Variants in ITGA10 observed in about 807,000 individuals in gnomAD.
ITGA10 encodes integrin alpha-10.
ITGA10 carries 105 observed loss-of-function variants against 145.2 expected under a neutral mutation model. The observed-to-expected ratio is 0.72, with a 90% CI of 0.62 to 0.85. The LOEUF is 0.85. Among genes scored for constraint, ITGA10 ranks in the 40% least tolerant of loss-of-function variants. The probability of loss-of-function intolerance (pLI) is 0.00; values close to 1 mark genes in which losing one functional copy is unlikely to be tolerated. For missense variants in ITGA10, 1,317 were observed against 1,444.5 expected, an observed-to-expected ratio of 0.91 and a Z score of 1.43; for synonymous variants, 506 against 557.8, an observed-to-expected ratio of 0.91 and a Z score of 1.31.
chr1:145,895,534 A>C, intron 26 of ITGA10, 97 bp downstream of exon 26: 1 of 1,399,058 alleles, frequency 7.1e-7, no homozygotes. Flanking sequence ...CTGGGGTGGA[A>C]AGATCCCTTC....
rs1553751512 is a variant in ITGA10, at chr1:145,907,121, G to A, written c.194C>T (p.Pro65Leu). Residue 65 changes from proline to leucine, a missense_variant, in exon 3 of 30, where the codon CCT becomes CTT. Pro to Leu is a moderately conservative substitution (Grantham distance 98, BLOSUM62 -3). Coordinates refer to ENST00000369304, the MANE Select transcript of ITGA10 (RefSeq NM_003637.5). ...AACGTCCCCCCTCCGGTCGCCTGAA[G>A]GCCCATCCCAGGGGGCGCCCACCAG... Reference protein sequence around the residue: ...WMLVGAPWDGPSGDRRGDVYR... With the variant: ...WMLVGAPWDGLSGDRRGDVYR... 6.4e-7 allele frequency: 1 copy of A among 1,563,004 alleles called. No homozygotes were observed. Among genetic ancestry groups the A allele is most frequent in the African/African-American group, 1.4e-5 (1 of 73,874 alleles).
At chr1:145,906,091 TTTGTA>T (rs1657097843) in intron 5 of ITGA10, 2 of 301,736 alleles carry the variant, frequency 6.6e-6, no homozygotes, top group African/African-American at 2.2e-5. Flanking sequence ...CCAGCTAATT[TTTGTA>T]TTTTTTTTTT....
In ITGA10 at chr1:145,901,328, T is replaced by C; in HGVS notation, c.1444-50A>G. 1 of 1,603,974 alleles carries C rather than the reference T, an allele frequency of 6.2e-7. No homozygotes were observed. The highest frequency in any genetic ancestry group is 8.5e-7 in the Non-Finnish European group (1 of 1,173,612). Reference sequence around the variant, plus strand: ...CCCCAGAGAAAAGGGAAGGTAACTGTAGACAAGTGGACTCAGTGGGAAGCA... The same window carrying C: ...CCCCAGAGAAAAGGGAAGGTAACTGCAGACAAGTGGACTCAGTGGGAAGCA... On this transcript the variant is annotated intron_variant, in intron 12 of 29. Transcript: ENST00000369304. The surrounding 1 kb of genome is among the most constrained non-coding windows in gnomAD (Gnocchi z 4.3).
In ITGA10 at chr1:145,899,318, G is replaced by A; in HGVS notation, c.1946C>T (p.Thr649Ile). The change falls in exon 16 of 30, where the codon ACC (threonine) becomes ATC (isoleucine). Residue 649 changes from threonine to isoleucine, a missense_variant. By Grantham distance (89) the Thr-to-Ile change is moderately conservative. Coordinates refer to ENST00000369304, the MANE Select transcript of ITGA10 (RefSeq NM_003637.5). Reference sequence around the variant, plus strand: ...CTGTGGGGTCACCTCCAGTGATGGGGTCAGATGGACAATGGGCCGGGAGCT... The same window carrying A: ...CTGTGGGGTCACCTCCAGTGATGGGATCAGATGGACAATGGGCCGGGAGCT... ...LLSSRPIVHL[T>I]PSLEVTPQAI... The A allele has an allele frequency of 6.2e-7, 1 of 1,614,158 alleles. No individual in the cohort carries two copies.
intron 7 of ITGA10, among the ~76,000 whole-genome samples, chr1:145,903,453 G>A (rs1656668795): frequency 6.6e-6 from 1 of 152,086 alleles, no homozygotes; most frequent in South Asian, 2.1e-4. Flanking sequence ...GGAGTGGAGG[G>A]ATAGAAAGAG....
At chr1:145,909,530 TAA>T (rs1241730357) in intron 1 of ITGA10, among the ~76,000 whole-genome samples, 1 of 134,070 alleles carries the variant, frequency 7.5e-6, no homozygotes. Flanking sequence ...ATATTATATA[TAA>T]TATATAATTA....
At chr1:145,902,162 A>G in intron 10 of ITGA10, 84 bp downstream of exon 10, 1 of 1,567,954 alleles carries the variant, frequency 6.4e-7, no homozygotes, top group Non-Finnish European at 8.8e-7. Context: ...GAGGCTGGTT[A>G]AAGGAGGAAT....
At position 145,899,098 on chromosome 1, in the gene ITGA10, G is replaced by A; in HGVS notation, c.2090-20C>T. 6.2e-7 allele frequency: 1 copy of A among 1,614,286 alleles called. No homozygotes were observed. The highest frequency in any genetic ancestry group is 1.6e-4 in the Middle Eastern group (1 of 6,062). On this transcript the variant is annotated intron_variant, in intron 16 of 29. Coordinates refer to ENST00000369304, the MANE Select transcript of ITGA10 (RefSeq NM_003637.5). The stretch of plus-strand genomic sequence containing the variant: ...TCATGTCTGAATGAAGGAGGCAAGA[G>A]TGAGGGTGGAAAGGGGTCTAGTGAG...
chr1:145,909,201 A>C (rs1405149146), intron 1 of ITGA10, among the ~76,000 whole-genome samples: 1 of 151,466 alleles, frequency 6.6e-6, no homozygotes, highest in Non-Finnish European at 1.5e-5. Flanking sequence ...TCGGGAGGCT[A>C]AGGTGGAAGG....
At chr1:145,904,372 TTCTCTC>T (rs781805741) in intron 6 of ITGA10, among the ~76,000 whole-genome samples, 172 bp from the exon 7 acceptor site, 2 of 151,774 alleles carry the variant, frequency 1.3e-5, no homozygotes, top group Non-Finnish European at 2.9e-5. Flanking sequence ...CATATTGCCT[TTCTCTC>T]TCTCTCTAAG....
intron 3 of ITGA10, 96 bp downstream of exon 3, chr1:145,906,945 G>A (rs909923454): frequency 1.7e-5 from 19 of 1,139,056 alleles, no homozygotes; most frequent in East Asian, 1.4e-4. Flanking sequence ...GGGAGTATGC[G>A]GATTTTAGGG....
intron 15 of ITGA10, 26 bp downstream of exon 15, chr1:145,900,030 AC>A (rs782451037): frequency 6.2e-7 from 1 of 1,604,750 alleles, no homozygotes; most frequent in Admixed American, 1.7e-5. Context: ...TATGCTGTCC[AC>A]CACCACCTGA....
rs782134491 is a variant in ITGA10, at chr1:145,897,600, G to A, written c.2486C>T (p.Thr829Ile). 1 of 1,614,158 alleles carries A rather than the reference G, an allele frequency of 6.2e-7. No homozygotes were observed. Among genetic ancestry groups the A allele is most frequent in the Middle Eastern group, 1.6e-4 (1 of 6,062 alleles). The change falls in exon 20 of 30, where the codon ACT becomes ATT. Residue 829 changes from threonine to isoleucine, a missense_variant. Transcript: ENST00000369304. Reference sequence around the variant, plus strand: ...AGCATTTTCCTTTCTGTTCTCCAGAGTTGTAGATACCAGCACTTTCCGCCG... The same window carrying A: ...AGCATTTTCCTTTCTGTTCTCCAGAATTGTAGATACCAGCACTTTCCGCCG... Reference protein sequence around the residue: ...GGRRKVLVSTTLENRKENAYN... With the variant: ...GGRRKVLVSTILENRKENAYN...
At chr1:145,907,856 G>A (rs913126071) in intron 1 of ITGA10, among the ~76,000 whole-genome samples, 2 of 126,510 alleles carry the variant, frequency 1.6e-5, no homozygotes, top group African/African-American at 3.1e-5. Context: ...TGCAGGCTCC[G>A]CCCCCCTGGG....
chr1:145,904,835 G>C (rs377447385), intron 5 of ITGA10, 24 bp from the exon 6 acceptor site: 2 of 1,609,730 alleles, frequency 1.2e-6, no homozygotes, highest in African/African-American at 2.7e-5. Flanking sequence ...GAACACTGAG[G>C]TAGAGGACAC....
chr1:145,895,554 C>T, intron 26 of ITGA10, 77 bp downstream of exon 26: 1 of 1,476,562 alleles, frequency 6.8e-7, no homozygotes, highest in Non-Finnish European at 9.4e-7. Context: ...CTTCCCCACT[C>T]CAGTTCCTAC....
intron 26 of ITGA10, 70 bp from the exon 27 acceptor site, chr1:145,895,463 T>C: frequency 7.0e-7 from 1 of 1,419,716 alleles, no homozygotes; most frequent in Non-Finnish European, 9.9e-7. Flanking sequence ...CCACCTCTAG[T>C]TCACACAGTC....
rs200584067 is a variant in ITGA10 at position 145,901,295 on chromosome 1, G to T, written c.1444-17C>A. ...TGAACCAATCTGGGGAATGGTGGGTGATGATGACCCCAGAGAAAAGGGAAG... is the reference window on the plus strand; with the variant it reads ...TGAACCAATCTGGGGAATGGTGGGTTATGATGACCCCAGAGAAAAGGGAAG... On this transcript the variant is annotated splice_polypyrimidine_tract_variant and intron_variant, in intron 12 of 29. Coordinates refer to ENST00000369304, the MANE Select transcript of ITGA10 (RefSeq NM_003637.5). This position sits in a 1 kb window ranked among gnomAD's most constrained non-coding sequence, Gnocchi z 4.3. 3.1e-6 allele frequency: 5 copies of T among 1,613,554 alleles called. No homozygotes were observed. The highest frequency in any genetic ancestry group is 4.2e-6 in the Non-Finnish European group (5 of 1,179,686).
At chr1:145,899,938 A>C (rs1413714440) in intron 15 of ITGA10, 119 bp downstream of exon 15, 2 of 996,164 alleles carry the variant, frequency 2.0e-6, no homozygotes, top group Non-Finnish European at 2.9e-6. Context: ...TTATAAACTA[A>C]GAATGGAGGC....
Sources: gnomAD v4.1 joint callset for allele counts (sites outside exome capture counted in the v4.1 genomes callset) on GRCh38, gnomAD v4.1.1 for gene constraint, Gnocchi (gnomAD v3.1) non-coding constraint, MANE v1.5 for transcripts, NCBI Gene and HGNC (gene_info 2026-07-23, HGNC 2026-07-21) for gene names.